The following ZNF385D variants were observed in gnomAD, a reference collection of about 807,000 sequenced individuals.
ZNF385D encodes zinc finger protein 659.
A neutral mutation model predicts 35.8 loss-of-function variants in ZNF385D; 15 were observed. The ratio of observed to expected loss-of-function variants is 0.42; its 90% CI spans 0.28 to 0.64. The LOEUF (loss-of-function observed/expected upper bound fraction) is 0.64, where lower values mean the gene tolerates loss of function less well. ZNF385D is among the 30% of genes least tolerant of loss of function. The pLI is 0.23. For missense variants in ZNF385D, 474 were observed against 494.6 expected, an observed-to-expected ratio of 0.96 and a Z score of 0.39; for synonymous variants, 212 against 186.8, an observed-to-expected ratio of 1.13 and a Z score of -1.10.
chr3:22,143,260 TG>T (rs1287126781), intron 3 of ZNF385D, among the ~76,000 whole-genome samples: 2 of 152,030 alleles, frequency 1.3e-5, no homozygotes, highest in South Asian at 4.1e-4. Flanking sequence ...TTTTTTTGTT[TG>T]TTTTAGTAGA....
intron 3 of ZNF385D, among the ~76,000 whole-genome samples, chr3:22,134,858 G>T (rs1339388686): frequency 1.3e-5 from 2 of 152,014 alleles, no homozygotes; most frequent in Non-Finnish European, 2.9e-5. Context: ...ACCCACTCTT[G>T]GCCATAATCG....
chr3:22,364,465 A>G (rs1696560661), intron 2 of ZNF385D, among the ~76,000 whole-genome samples: 1 of 152,144 alleles, frequency 6.6e-6, no homozygotes, highest in African/African-American at 2.4e-5. Flanking sequence ...GCTTTAAAGG[A>G]GACATACAAA....
At chr3:22,208,742 A>T (rs1044625458) in intron 2 of ZNF385D, among the ~76,000 whole-genome samples, 4 of 151,742 alleles carry the variant, frequency 2.6e-5, no homozygotes, top group African/African-American at 9.7e-5. Context: ...AAAAATAATT[A>T]TTCAGTATGC....
intron 3 of ZNF385D, among the ~76,000 whole-genome samples, chr3:21,825,488 A>AG (rs1694545590): frequency 6.6e-6 from 1 of 152,200 alleles, no homozygotes; most frequent in Admixed American, 6.5e-5. Context: ...AAATAAAAAA[A>AG]AAAGTGTAGA....
At chr3:22,279,957 A>T (rs906931349) in intron 2 of ZNF385D, among the ~76,000 whole-genome samples, 1 of 151,854 alleles carries the variant, frequency 6.6e-6, no homozygotes, top group Non-Finnish European at 1.5e-5. Context: ...ATTATTTTTT[A>T]ATTTTAAAAT....
chr3:21,427,282 A>C (rs944981744), intron 5 of ZNF385D, among the ~76,000 whole-genome samples: 1 of 152,178 alleles, frequency 6.6e-6, no homozygotes, highest in African/African-American at 2.4e-5. Context: ...TTTATACAAA[A>C]TGTTTCTATG....
At chr3:21,564,730 C>G (rs1182160316) in intron 2 of ZNF385D, 46 bp from the exon 3 acceptor site, 23 of 1,267,464 alleles carry the variant, frequency 1.8e-5, no homozygotes, top group Admixed American at 4.7e-5. Context: ...TAAAGCTTGT[C>G]AGTTCCATTG....
At chr3:21,527,548 T>G (rs1708298358) in intron 3 of ZNF385D, among the ~76,000 whole-genome samples, 1 of 152,178 alleles carries the variant, frequency 6.6e-6, no homozygotes, top group Non-Finnish European at 1.5e-5. Context: ...TTAAAATAAA[T>G]CGTTAAAGAC....
intron 3 of ZNF385D, among the ~76,000 whole-genome samples, chr3:21,842,092 A>G (rs943279380): frequency 1.3e-5 from 2 of 151,914 alleles, no homozygotes; most frequent in Admixed American, 6.6e-5. Context: ...ATTTAAAACT[A>G]TATGTTATTT....
At chr3:21,915,305 G>T (rs982831960) in intron 3 of ZNF385D, among the ~76,000 whole-genome samples, 2 of 151,886 alleles carry the variant, frequency 1.3e-5, no homozygotes, top group Non-Finnish European at 2.9e-5. Context: ...AAGCACCTTG[G>T]GTTGAGTTTA....
intron 3 of ZNF385D, among the ~76,000 whole-genome samples, chr3:21,854,085 G>A (rs564245953): frequency 3.6e-4 from 54 of 151,948 alleles, no homozygotes; most frequent in African/African-American, 1.3e-3. Context: ...AAATTAAACT[G>A]CAATAAAATA....
chr3:22,148,370 A>C (rs923302474), intron 3 of ZNF385D, among the ~76,000 whole-genome samples: 1 of 152,212 alleles, frequency 6.6e-6, no homozygotes, highest in East Asian at 1.9e-4. Flanking sequence ...TGTGTTGGTT[A>C]TAGGACAGAA....
chr3:21,624,677 C>G (rs1470675568), intron 2 of ZNF385D, among the ~76,000 whole-genome samples: 1 of 151,978 alleles, frequency 6.6e-6, no homozygotes, highest in East Asian at 1.9e-4. Context: ...ACCCTTTTAC[C>G]CACCAAGCTC....
chr3:21,973,584 G>A (rs938950389), intron 3 of ZNF385D, among the ~76,000 whole-genome samples: 1 of 151,792 alleles, frequency 6.6e-6, no homozygotes, highest in Non-Finnish European at 1.5e-5. Flanking sequence ...TAGGAGAAGA[G>A]AAAGAAATAA....
intron 3 of ZNF385D, among the ~76,000 whole-genome samples, chr3:21,881,262 T>G (rs1306135632): frequency 6.6e-6 from 1 of 151,938 alleles, no homozygotes; most frequent in Admixed American, 6.6e-5. Flanking sequence ...TGGCATCAAA[T>G]TTTCAAAGGA....
chr3:21,773,420 G>C (rs868279507), intron 3 of ZNF385D, among the ~76,000 whole-genome samples: 1 of 151,820 alleles, frequency 6.6e-6, no homozygotes, highest in Non-Finnish European at 1.5e-5. Flanking sequence ...TTGACAAATG[G>C]AATCTCATTA....
chr3:22,287,374 G>A (rs1462648078), intron 2 of ZNF385D, among the ~76,000 whole-genome samples: 1 of 151,752 alleles, frequency 6.6e-6, no homozygotes, highest in African/African-American at 2.4e-5. Flanking sequence ...AGTAATTATT[G>A]ATACAGGTAA....
chr3:22,037,208 A>C (rs1364417947), intron 3 of ZNF385D, among the ~76,000 whole-genome samples: 2 of 149,572 alleles, frequency 1.3e-5, no homozygotes, highest in Non-Finnish European at 3.0e-5. Flanking sequence ...ATGTTTTATA[A>C]TCCTTTGGGT....
intron 2 of ZNF385D, among the ~76,000 whole-genome samples, chr3:22,203,664 G>A (rs940564166): frequency 6.6e-6 from 1 of 152,130 alleles, no homozygotes; most frequent in South Asian, 2.1e-4. Flanking sequence ...AGATCTCTTG[G>A]ACCTTAAGTG....
Sources: allele counts gnomAD v4.1 joint callset (sites outside exome capture counted in the v4.1 genomes callset), GRCh38; gene constraint gnomAD v4.1.1; transcripts MANE v1.5; gene names NCBI Gene and HGNC (gene_info 2026-07-23, HGNC 2026-07-21).